Variants in CREB5 observed in about 807,000 individuals in gnomAD.
The protein encoded by CREB5 is cAMP responsive element binding protein 5, also known as cyclic AMP-responsive element-binding protein 5.
In CREB5, 19 loss-of-function variants were observed where a neutral mutation model predicts 57.1. That is an observed-to-expected ratio of 0.33 (90% CI 0.23 to 0.49). CREB5 has a LOEUF of 0.49. Among genes scored for constraint, CREB5 ranks in the 20% least tolerant of loss-of-function variants. The pLI, the probability that CREB5 is intolerant of heterozygous loss-of-function variation, is 0.99. For missense variants in CREB5, 579 were observed against 671.6 expected, an observed-to-expected ratio of 0.86 and a Z score of 1.52; for synonymous variants, 238 against 238.3, an observed-to-expected ratio of 1.00 and a Z score of 0.01.
chr7:28,453,999 G>A (rs993766829), intron 1 of CREB5, among the ~76,000 whole-genome samples: 1 of 133,122 alleles, frequency 7.5e-6, no homozygotes, highest in Non-Finnish European at 1.5e-5. Context: ...TGTCGCCCAG[G>A]CTGGAGTGCA....
chr7:28,517,180 G>A (rs1793000742), intron 4 of CREB5, among the ~76,000 whole-genome samples: 1 of 152,094 alleles, frequency 6.6e-6, no homozygotes, highest in Non-Finnish European at 1.5e-5. Flanking sequence ...GCCCCTCACA[G>A]AGACGTGAAA....
chr7:28,512,655 GTGTGTGTGTGTGTA>G (rs1033997886), intron 4 of CREB5, among the ~76,000 whole-genome samples: 2 of 151,960 alleles, frequency 1.3e-5, no homozygotes, highest in African/African-American at 2.4e-5. Flanking sequence ...AACTGTGTGT[GTGTGTGTGTGTGTA>G]TGTGTGTGTG....
upstream of CREB5, chr7:28,409,948 A>G (rs1397141705): frequency 2.9e-5 from 13 of 453,222 alleles, no homozygotes; most frequent in Non-Finnish European, 5.3e-5. This position sits in a 1 kb window ranked among gnomAD's most constrained non-coding sequence, Gnocchi z 4.4. Context: ...GGCAGCGGAG[A>G]CGGCGAGCCA....
intron 5 of CREB5, among the ~76,000 whole-genome samples, chr7:28,716,413 A>G (rs1024461747): frequency 1.3e-5 from 2 of 152,198 alleles, no homozygotes; most frequent in African/African-American, 4.8e-5. Flanking sequence ...TATACTTAAA[A>G]CATTCCCCTC....
chr7:28,301,974 G>T (rs1259782658), intron 1 of CREB5, among the ~76,000 whole-genome samples: 1 of 152,210 alleles, frequency 6.6e-6, no homozygotes, highest in African/African-American at 2.4e-5. Flanking sequence ...TATCTGGAGA[G>T]GGTGTTTTAA....
At chr7:28,321,113 A>G (rs955441219) in intron 1 of CREB5, among the ~76,000 whole-genome samples, 6 of 152,184 alleles carry the variant, frequency 3.9e-5, no homozygotes, top group African/African-American at 1.4e-4. Flanking sequence ...AGAGAGGATT[A>G]AACACGCTAG....
At chr7:28,452,702 G>T (rs1369260648) in intron 1 of CREB5, among the ~76,000 whole-genome samples, 1 of 152,190 alleles carries the variant, frequency 6.6e-6, no homozygotes, top group African/African-American at 2.4e-5. Flanking sequence ...CAAGGTGTGG[G>T]GCAGGGAAAG....
intron 1 of CREB5, among the ~76,000 whole-genome samples, chr7:28,441,431 C>T (rs184146521): frequency 1.4e-4 from 22 of 152,274 alleles, no homozygotes; most frequent in Admixed American, 5.9e-4. Context: ...TTGGAAAAGC[C>T]ACTTAACCTC....
At chr7:28,677,841 GA>G (rs1221410307) in intron 5 of CREB5, among the ~76,000 whole-genome samples, 1 of 151,964 alleles carries the variant, frequency 6.6e-6, no homozygotes, top group African/African-American at 2.4e-5. Flanking sequence ...TTGTGCCTGT[GA>G]ACAGCCACTT....
intron 1 of CREB5, among the ~76,000 whole-genome samples, chr7:28,301,819 C>T (rs533193486): frequency 3.7e-4 from 56 of 152,244 alleles, no homozygotes; most frequent in African/African-American, 1.3e-3. Flanking sequence ...TGACTGAGTT[C>T]CCGGGGTTAC....
At chr7:28,313,607 G>A (rs1026842200) in intron 1 of CREB5, among the ~76,000 whole-genome samples, 6 of 152,090 alleles carry the variant, frequency 3.9e-5, no homozygotes, top group East Asian at 1.9e-4. Flanking sequence ...AGTGTGTTTC[G>A]GGGATGGGAG....
At chr7:28,617,789 TGGAGGCC>T (rs1217078865) in intron 5 of CREB5, among the ~76,000 whole-genome samples, 1 of 152,246 alleles carries the variant, frequency 6.6e-6, no homozygotes, top group Non-Finnish European at 1.5e-5. Context: ...GAGCCTTTCT[TGGAGGCC>T]ATGAAATTCT....
intron 7 of CREB5, among the ~76,000 whole-genome samples, chr7:28,775,230 C>A (rs1407205739): frequency 1.3e-5 from 2 of 152,060 alleles, no homozygotes; most frequent in Admixed American, 6.6e-5. Flanking sequence ...ATCCCTCCTG[C>A]TTCCTCTCTG....
chr7:28,813,103 G>A (rs545052181), intron 9 of CREB5, among the ~76,000 whole-genome samples: 1 of 152,250 alleles, frequency 6.6e-6, no homozygotes, highest in African/African-American at 2.4e-5. Context: ...CTGACATTTT[G>A]TGGAGAAAGA....
intron 5 of CREB5, among the ~76,000 whole-genome samples, chr7:28,711,110 ATGT>A (rs915730809): frequency 1.3e-5 from 2 of 152,198 alleles, no homozygotes; most frequent in African/African-American, 2.4e-5. Flanking sequence ...GAGCTTTGTC[ATGT>A]TGTGTCACAG....
At chr7:28,584,714 T>C (rs1002614957) in intron 5 of CREB5, among the ~76,000 whole-genome samples, 5 of 151,916 alleles carry the variant, frequency 3.3e-5, no homozygotes, top group Admixed American at 1.3e-4. Context: ...ACTGCAGCCC[T>C]AGAAAACGAA....
chr7:28,339,753 C>T (rs773658375), intron 1 of CREB5, among the ~76,000 whole-genome samples: 19 of 152,282 alleles, frequency 1.2e-4, no homozygotes, highest in African/African-American at 4.1e-4. Flanking sequence ...CAGGCTGGTC[C>T]GAGATGATGT....
intron 5 of CREB5, among the ~76,000 whole-genome samples, chr7:28,658,969 A>ATATATATATATATATATATATG (rs1799471341): frequency 7.1e-6 from 1 of 140,650 alleles, no homozygotes; most frequent in Admixed American, 7.2e-5. Context: ...ATATATATAT[A>ATATATATATATATATATATATG]TATATATATA....
intron 7 of CREB5, among the ~76,000 whole-genome samples, chr7:28,728,457 C>G (rs1803446946): frequency 6.6e-6 from 1 of 152,184 alleles, no homozygotes; most frequent in African/African-American, 2.4e-5. Context: ...TTTATATTTA[C>G]ATAAAAATGG....
Sources: allele counts gnomAD v4.1 joint callset (sites outside exome capture counted in the v4.1 genomes callset), GRCh38; gene constraint gnomAD v4.1.1; non-coding constraint Gnocchi (gnomAD v3.1); transcripts MANE v1.5; gene names NCBI Gene and HGNC (gene_info 2026-07-23, HGNC 2026-07-21).